Variants in RASAL2 observed in about 807,000 individuals in gnomAD.
RASAL2 encodes the protein RAS protein activator like 2, also known as ras GTPase-activating protein nGAP.
In RASAL2, 58 loss-of-function variants were observed where a neutral mutation model predicts 128.9. That is an observed-to-expected ratio of 0.45 (90% CI 0.36 to 0.56). The LOEUF is 0.56. Among genes scored for constraint, RASAL2 ranks in the 20% least tolerant of loss-of-function variants. The probability of loss-of-function intolerance (pLI) is 0.00; values close to 1 mark genes in which losing one functional copy is unlikely to be tolerated. For missense variants in RASAL2, 1,360 were observed against 1,601.6 expected, an observed-to-expected ratio of 0.85 and a Z score of 2.57; for synonymous variants, 561 against 580.8, an observed-to-expected ratio of 0.97 and a Z score of 0.49.
chr1:178,308,665 C>T (rs1408375029), intron 3 of RASAL2, among the ~76,000 whole-genome samples: 3 of 151,348 alleles, frequency 2.0e-5, no homozygotes, highest in Admixed American at 6.6e-5. Flanking sequence ...CCCACCTCCA[C>T]CTGCCAAGCA....
chr1:178,155,525 C>A (rs528725282), intron 1 of RASAL2, among the ~76,000 whole-genome samples: 33 of 151,226 alleles, frequency 2.2e-4, no homozygotes, highest in African/African-American at 7.3e-4. Context: ...ATTTACATTG[C>A]CTTAAAAAAA....
rs370085549 is a variant in RASAL2, at chr1:178,321,566, G to A, written c.457+21448G>A. The stretch of plus-strand genomic sequence containing the variant: ...TGTGGCTAGGCTAGAGTGCAGTGGC[G>A]CATGGCATGATCATAGCTCACTGCA... On this transcript the variant is annotated intron_variant, in intron 3 of 17. Coordinates refer to ENST00000367649, the MANE Select transcript of RASAL2 (RefSeq NM_170692.4). 1.6e-4 allele frequency among the ~76,000 whole-genome samples: 25 copies of A among 151,604 alleles called. No individual in the cohort carries two copies. The East Asian group carries it at 4.1e-3, about 25-fold the overall frequency.
intron 1 of RASAL2, among the ~76,000 whole-genome samples, chr1:178,274,054 T>G (rs986196036): frequency 6.6e-6 from 1 of 152,224 alleles, no homozygotes; most frequent in Non-Finnish European, 1.5e-5. Flanking sequence ...AAGATGCATA[T>G]GTAGCTCTGG....
intron 11 of RASAL2, among the ~76,000 whole-genome samples, chr1:178,453,870 C>G (rs1677571196): frequency 6.6e-6 from 1 of 151,810 alleles, no homozygotes; most frequent in Admixed American, 6.6e-5. Flanking sequence ...TAGAGGTGTA[C>G]TATTTTAATT....
chr1:178,411,133 A>G (rs2102702333), intron 4 of RASAL2, among the ~76,000 whole-genome samples: 1 of 146,070 alleles, frequency 6.8e-6, no homozygotes, highest in Middle Eastern at 3.5e-3. Context: ...TCAACTAATG[A>G]GTGAATAAAG....
intron 5 of RASAL2, among the ~76,000 whole-genome samples, chr1:178,429,898 C>T (rs927942770): frequency 2.6e-5 from 4 of 151,994 alleles, no homozygotes; most frequent in African/African-American, 9.7e-5. Flanking sequence ...TTACATGCTC[C>T]CTCCCTTCTT....
At chr1:178,252,137 T>C (rs1056308518) in intron 1 of RASAL2, among the ~76,000 whole-genome samples, 1 of 152,184 alleles carries the variant, frequency 6.6e-6, no homozygotes, top group Admixed American at 6.5e-5. Context: ...GTAATCCACT[T>C]TGAGATTATG....
intron 17 of RASAL2, among the ~76,000 whole-genome samples, chr1:178,471,149 C>A (rs1648230753): frequency 6.6e-6 from 1 of 151,962 alleles, no homozygotes; most frequent in Non-Finnish European, 1.5e-5. Flanking sequence ...TTGGATGAAC[C>A]CTGGAGAATC....
At chr1:178,307,160 A>G (rs968097614) in intron 3 of RASAL2, among the ~76,000 whole-genome samples, 1 of 152,092 alleles carries the variant, frequency 6.6e-6, no homozygotes, top group African/African-American at 2.4e-5. Flanking sequence ...TTGCTTATAC[A>G]CATCAACGTA....
chr1:178,253,211 T>C (rs1665136318), intron 1 of RASAL2, among the ~76,000 whole-genome samples: 1 of 152,170 alleles, frequency 6.6e-6, no homozygotes. Context: ...GTCACATGGC[T>C]GCCTTATTTG....
chr1:178,311,252 A>AG (rs1491228520), intron 3 of RASAL2, among the ~76,000 whole-genome samples: 1 of 112,266 alleles, frequency 8.9e-6, no homozygotes, highest in East Asian at 2.8e-4. Flanking sequence ...ACACACACAC[A>AG]AACACACACA....
intron 1 of RASAL2, among the ~76,000 whole-genome samples, chr1:178,224,224 ATT>A (rs35686460): frequency 9.1e-5 from 13 of 143,306 alleles, no homozygotes; most frequent in African/African-American, 3.1e-4. Flanking sequence ...GAAAACTAGA[ATT>A]TTTTTTTTTT....
chr1:178,246,098 G>T (rs1664755595), intron 1 of RASAL2, among the ~76,000 whole-genome samples: 2 of 152,226 alleles, frequency 1.3e-5, no homozygotes, highest in South Asian at 4.1e-4. Flanking sequence ...TTCTAGTTCT[G>T]TGAAGAAAGT....
intron 3 of RASAL2, among the ~76,000 whole-genome samples, chr1:178,364,211 G>C (rs1671278359): frequency 6.6e-6 from 1 of 152,020 alleles, no homozygotes; most frequent in African/African-American, 2.4e-5. Flanking sequence ...CACTGATCAA[G>C]GAAAAGAGTT....
intron 3 of RASAL2, among the ~76,000 whole-genome samples, chr1:178,325,737 G>A (rs10798605): frequency 0.22 from 34,081 of 152,110 alleles, 6,682 homozygotes; most frequent in African/African-American, 0.53. Flanking sequence ...ATAAGGCTTG[G>A]CATCACTGAT....
chr1:178,333,371 A>G (rs1305781224), intron 3 of RASAL2, among the ~76,000 whole-genome samples: 2 of 152,188 alleles, frequency 1.3e-5, no homozygotes, highest in African/African-American at 4.8e-5. Context: ...TGTCATCCAT[A>G]AAATATCCCT....
chr1:178,379,050 GA>G lies in RASAL2; in HGVS notation c.458-11044del, dbSNP rs1355072553. On this transcript the variant is annotated intron_variant, in intron 3 of 17. Transcript: ENST00000367649. ...GAGAAAATATAAACAATGTTGACAT[GA>G]AAAAAGGGTATAATTATAGAAAATT... 2.0e-5 allele frequency among the ~76,000 whole-genome samples: 3 copies of G among 151,470 alleles called. No individual in the cohort carries two copies. The East Asian group carries it at 5.8e-4, about 29-fold the overall frequency.
At chr1:178,320,653 G>A (rs1023507214) in intron 3 of RASAL2, among the ~76,000 whole-genome samples, 7 of 152,098 alleles carry the variant, frequency 4.6e-5, no homozygotes, top group East Asian at 1.9e-4. Flanking sequence ...GCTTTGGCTC[G>A]CACACGGTGC....
At chr1:178,462,317 A>G (rs1344145119) in intron 14 of RASAL2, among the ~76,000 whole-genome samples, 1 of 152,198 alleles carries the variant, frequency 6.6e-6, no homozygotes, top group Non-Finnish European at 1.5e-5. Flanking sequence ...TTAGTAATGA[A>G]TTCTAAAGAT....
Sources: gnomAD v4.1 joint callset for allele counts (sites outside exome capture counted in the v4.1 genomes callset) on GRCh38, gnomAD v4.1.1 for gene constraint, MANE v1.5 for transcripts, NCBI Gene and HGNC (gene_info 2026-07-23, HGNC 2026-07-21) for gene names.